ZNF469: variants seen among roughly 807,000 people sequenced by gnomAD.
ZNF469 encodes the protein zinc finger protein 469.
ZNF469 carries 1 observed loss-of-function variant against 1.0 expected under a neutral mutation model. That is an observed-to-expected ratio of 1.00 (90% confidence interval 0.35 to 4.73). The LOEUF (loss-of-function observed/expected upper bound fraction) is 4.73. Ranked by LOEUF, ZNF469 falls within the 30% of genes most tolerant of loss-of-function variation. The pLI, the probability that ZNF469 is intolerant of heterozygous loss-of-function variation, is 0.16. For missense variants in ZNF469, 6,100 were observed against 5,356.3 expected (o/e 1.14, Z -4.33); for synonymous variants, 2,703 against 2,363.4 (o/e 1.14, Z -4.17).
At position 88,435,346 on chromosome 16, in the gene ZNF469, C is replaced by G; in HGVS notation, c.7876C>G (p.His2626Asp). The G allele has an allele frequency of 6.5e-7, 1 of 1,550,356 alleles. No individual in the cohort carries two copies. Among genetic ancestry groups the G allele is most frequent in the Non-Finnish European group, 8.7e-7 (1 of 1,146,986 alleles). The change falls in exon 3 of 3, where the codon CAC (histidine) becomes GAC (aspartate). Residue 2626 changes from histidine (H) to aspartate (D), a missense_variant. Physicochemically the swap from His to Asp is moderately conservative, Grantham distance 81. Coordinates refer to ENST00000565624, the MANE Select transcript of ZNF469 (RefSeq NM_001367624.2). ...RREPTVDSPS[H>D]SEGKSNKKRG... ...AGAGCCCACCGTGGACTCTCCTAGC[C>G]ACTCAGAGGGGAAGTCAAATAAGAA...
chr16:88,392,013 A>G (rs1299482870), intron 1 of ZNF469, among the ~76,000 whole-genome samples: 1 of 152,276 alleles, frequency 6.6e-6, no homozygotes, highest in African/African-American at 2.4e-5. Flanking sequence ...GATACATTAT[A>G]TCACATAACA....
the ZNF469 span, among the ~76,000 whole-genome samples, chr16:88,215,681 C>T: frequency 6.6e-6 from 1 of 152,068 alleles, no homozygotes; most frequent in Non-Finnish European, 1.5e-5. Context: ...TGAGCCACTA[C>T]ACCTGGCCAG....
At chr16:88,266,593 A>G in the ZNF469 span, among the ~76,000 whole-genome samples, 1 of 152,256 alleles carries the variant, frequency 6.6e-6, no homozygotes, top group Non-Finnish European at 1.5e-5. Flanking sequence ...AGGTTGGAGA[A>G]GCAGTAGAAG....
the ZNF469 span, among the ~76,000 whole-genome samples, chr16:88,268,627 T>C: frequency 0.42 from 64,191 of 152,002 alleles, 13,901 homozygotes; most frequent in African/African-American, 0.52. Flanking sequence ...CATATCCCCG[T>C]GGGGGTTGGC....
intron 1 of ZNF469, among the ~76,000 whole-genome samples, chr16:88,416,972 C>T (rs1225676000): frequency 6.6e-6 from 1 of 152,238 alleles, no homozygotes; most frequent in Non-Finnish European, 1.5e-5. Context: ...TCAGGGCGTC[C>T]TCCTGGGGTC....
the ZNF469 span, among the ~76,000 whole-genome samples, chr16:88,222,039 AC>A: frequency 6.7e-6 from 1 of 149,562 alleles, no homozygotes; most frequent in Middle Eastern, 3.2e-3. Context: ...CTGCCATTCA[AC>A]CCCCCTCATC....
intron 1 of ZNF469, among the ~76,000 whole-genome samples, chr16:88,420,940 T>A (rs1905437805): frequency 6.9e-6 from 1 of 144,884 alleles, no homozygotes; most frequent in African/African-American, 2.6e-5. Context: ...TGAGTGGGGG[T>A]CGGGAGGAAG....
At chr16:88,176,550 G>T in the ZNF469 span, among the ~76,000 whole-genome samples, 1 of 152,198 alleles carries the variant, frequency 6.6e-6, no homozygotes, top group African/African-American at 2.4e-5. Context: ...CGCAATGGCG[G>T]CCTCCACACA....
chr16:88,386,223 C>A (rs1164801452), intron 1 of ZNF469, among the ~76,000 whole-genome samples: 2 of 152,118 alleles, frequency 1.3e-5, no homozygotes, highest in Admixed American at 6.5e-5. Flanking sequence ...GAGAGTGTGA[C>A]CAGCCCGTCC....
At position 88,438,061 on chromosome 16, in the gene ZNF469, G is replaced by A; in HGVS notation, c.10591G>A (p.Val3531Ile). 1.3e-6 allele frequency: 2 copies of A among 1,550,402 alleles called. No individual in the cohort carries two copies. Among genetic ancestry groups the A allele is most frequent in the Non-Finnish European group, 1.7e-6 (2 of 1,146,974 alleles). ...ATGGCCCGAGACCCTAGAGAGGCCT[G>A]TAGACCCCGTGACCCACCCGATCAG... ...KGWPETLERP[V>I]DPVTHPIRGC... Residue 3531 changes from valine (V) to isoleucine (I), a missense_variant, in exon 3 of 3, where the codon GTA becomes ATA. Transcript: ENST00000565624.
the ZNF469 span, among the ~76,000 whole-genome samples, chr16:88,315,820 G>A: frequency 2.0e-5 from 3 of 152,192 alleles, no homozygotes; most frequent in African/African-American, 7.2e-5. Context: ...CCAAGGGGGT[G>A]GGAGACACGG....
In ZNF469 at chr16:88,436,947, G is replaced by A; in HGVS notation, c.9477G>A (p.Leu3159=). 2.0e-6 allele frequency: 3 copies of A among 1,494,700 alleles called. No homozygotes were observed. Among genetic ancestry groups the A allele is most frequent in the Non-Finnish European group, 2.7e-6 (3 of 1,123,530 alleles). The allele number at this position is 1,494,700 out of a possible 1,614,324, so 92.6% of individuals were successfully genotyped here. A position where few individuals can be genotyped will look rare whatever the true frequency, so the allele number is the denominator to read the frequency against. The stretch of plus-strand genomic sequence containing the variant: ...GCAGGTTTGGCTCGCGGGAGCTGCT[G>A]CGGGGGCACCTGCAGGAGAGGCACG... ...VERRFGSREL[L]RGHLQERHAQ... The change falls in exon 3 of 3, where the codon CTG becomes CTA. Residue 3159 remains leucine, a synonymous_variant. Coordinates refer to ENST00000565624, the MANE Select transcript of ZNF469 (RefSeq NM_001367624.2).
chr16:88,331,151 T>C, the ZNF469 span, among the ~76,000 whole-genome samples: 8 of 113,844 alleles, frequency 7.0e-5, no homozygotes, highest in South Asian at 3.0e-4. Flanking sequence ...TCACCATCAC[T>C]ATTACCATCA....
chr16:88,144,943 G>T, the ZNF469 span, among the ~76,000 whole-genome samples: 3,440 of 150,404 alleles, frequency 0.023, 119 homozygotes, highest in African/African-American at 0.08. Flanking sequence ...TCCGCCTTCC[G>T]GGCCCATGCA....
At chr16:88,386,070 CCGGT>C (rs926035055) in intron 1 of ZNF469, among the ~76,000 whole-genome samples, 3 of 152,296 alleles carry the variant, frequency 2.0e-5, no homozygotes, top group Admixed American at 1.3e-4. Flanking sequence ...CACAAGCGGC[CCGGT>C]CCCGTGGACT....
chr16:88,375,429 T>G, the ZNF469 span, among the ~76,000 whole-genome samples: 1 of 152,344 alleles, frequency 6.6e-6, no homozygotes, highest in East Asian at 1.9e-4. Context: ...TAGCAGCAAG[T>G]TGGGTGAGTT....
the ZNF469 span, among the ~76,000 whole-genome samples, chr16:88,334,885 C>T: frequency 4.0e-5 from 6 of 151,016 alleles, no homozygotes; most frequent in East Asian, 1.9e-4. Flanking sequence ...AGGAAGATGC[C>T]GACGGAACGA....
chr16:88,435,450 C>T lies in ZNF469; in HGVS notation c.7980C>T (p.Arg2660=), dbSNP rs1291152881. The T allele has an allele frequency of 7.1e-6, 11 of 1,549,736 alleles. No homozygotes were observed. Among genetic ancestry groups the T allele is most frequent in the Middle Eastern group, 1.7e-4 (1 of 6,014 alleles). Residue 2660 remains arginine, a synonymous_variant, in exon 3 of 3, where the codon CGC becomes CGT. Coordinates refer to ENST00000565624, the MANE Select transcript of ZNF469 (RefSeq NM_001367624.2). ...CTGCTGATGTGATTTCAGATGGGCG[C>T]GGCTCCAGACCATCCCCTGCAATGG... ...PVSADVISDG[R]GSRPSPAMAS...
At chr16:88,374,154 G>T in the ZNF469 span, among the ~76,000 whole-genome samples, 35 of 152,334 alleles carry the variant, frequency 2.3e-4, no homozygotes, top group Middle Eastern at 3.4e-3. Flanking sequence ...CTGAGGTACA[G>T]GGTGGACAGA....
Sources: gnomAD v4.1 joint callset for allele counts (sites outside exome capture counted in the v4.1 genomes callset) on GRCh38, gnomAD v4.1.1 for gene constraint, MANE v1.5 for transcripts, NCBI Gene and HGNC (gene_info 2026-07-23, HGNC 2026-07-21) for gene names.